The following DEPDC1B variants were observed in gnomAD, a reference collection of about 807,000 sequenced individuals.
DEPDC1B encodes DEP domain-containing protein 1B.
Under a neutral mutation model 66.5 loss-of-function variants are expected in DEPDC1B, and 51 were observed. That is an observed-to-expected ratio of 0.77 (90% CI 0.61 to 0.97). DEPDC1B has a LOEUF of 0.97. Ranked by LOEUF, DEPDC1B falls within the 50% of genes least tolerant of loss-of-function variation. The pLI is 0.00. For synonymous variants in DEPDC1B, 226 were observed against 223.6 expected, an observed-to-expected ratio of 1.01 and a Z score of -0.10; for missense variants, 552 against 637.1, an observed-to-expected ratio of 0.87 and a Z score of 1.44.
intron 1 of DEPDC1B, among the ~76,000 whole-genome samples, chr5:60,692,368 G>A (rs1255374975): frequency 1.3e-5 from 2 of 152,142 alleles, no homozygotes; most frequent in African/African-American, 4.8e-5. Flanking sequence ...GATGGATATG[G>A]TAATTAGCTT....
In DEPDC1B at chr5:60,687,134, C is replaced by G. The variant is rs200537740; in HGVS notation, c.142G>C (p.Glu48Gln). The change falls in exon 2 of 11, where the codon GAA becomes CAA. Residue 48 changes from glutamate (E) to glutamine (Q), a missense_variant. Transcript: ENST00000265036. ...KSYEHCFTAA[E>Q]AVDWLHELLR... ...AGCTCATGCAGCCAATCCACAGCTT[C>G]GGCCGCTGTGAAACAATGCTCATAG... 6.2e-7 allele frequency: 1 copy of G among 1,614,180 alleles called. No individual in the cohort carries two copies. The highest frequency in any genetic ancestry group is 8.5e-7 in the Non-Finnish European group (1 of 1,180,042).
intron 7 of DEPDC1B, among the ~76,000 whole-genome samples, chr5:60,618,200 T>C (rs959102586): frequency 7.8e-4 from 11 of 14,128 alleles, no homozygotes; most frequent in Non-Finnish European, 3.8e-4. Flanking sequence ...AGATCTAAAA[T>C]GACACCCTAA....
intron 7 of DEPDC1B, among the ~76,000 whole-genome samples, chr5:60,613,962 A>T (rs1399589684): frequency 6.6e-6 from 1 of 152,176 alleles, no homozygotes; most frequent in Non-Finnish European, 1.5e-5. Context: ...TACCAGTGAT[A>T]CTTAGTCACA....
intron 7 of DEPDC1B, among the ~76,000 whole-genome samples, chr5:60,621,613 A>G (rs776499642): frequency 1.4e-4 from 21 of 152,252 alleles, no homozygotes; most frequent in Admixed American, 2.6e-4. Context: ...CAGCACACCA[A>G]CATGGCTCAT....
At chr5:60,671,812 A>C (rs1447514920) in intron 2 of DEPDC1B, among the ~76,000 whole-genome samples, 3 of 152,330 alleles carry the variant, frequency 2.0e-5, no homozygotes, top group East Asian at 1.9e-4. Flanking sequence ...ATGTGTAATG[A>C]ATTCAGATCA....
At chr5:60,612,316 G>C (rs1366495393) in intron 7 of DEPDC1B, among the ~76,000 whole-genome samples, 1 of 151,728 alleles carries the variant, frequency 6.6e-6, no homozygotes, top group Non-Finnish European at 1.5e-5. Context: ...CCAGCTATTT[G>C]GGAGGCTGAG....
chr5:60,693,911 A>G (rs1453787834), intron 1 of DEPDC1B, among the ~76,000 whole-genome samples: 1 of 152,138 alleles, frequency 6.6e-6, no homozygotes, highest in Non-Finnish European at 1.5e-5. Flanking sequence ...TTGAACAATC[A>G]TAATCATGAA....
intron 7 of DEPDC1B, among the ~76,000 whole-genome samples, chr5:60,615,371 AGGGGTCAG>A (rs1752521454): frequency 1.3e-5 from 2 of 152,210 alleles, no homozygotes; most frequent in Admixed American, 6.5e-5. Context: ...GGGAAGCACA[AGGGGTCAG>A]GGAATTCCCT....
chr5:60,674,183 A>G (rs1754107023), intron 2 of DEPDC1B, among the ~76,000 whole-genome samples: 1 of 152,216 alleles, frequency 6.6e-6, no homozygotes. Context: ...AAATAAATAT[A>G]AAGGAAAAGG....
chr5:60,629,490 A>T (rs1016176276), intron 7 of DEPDC1B, among the ~76,000 whole-genome samples: 1 of 152,324 alleles, frequency 6.6e-6, no homozygotes, highest in Non-Finnish European at 1.5e-5. Context: ...GTACCCCTTC[A>T]TCCAACTCCA....
chr5:60,644,940 T>G (rs990406134), intron 4 of DEPDC1B, 65 bp from the exon 5 acceptor site: 16 of 1,286,800 alleles, frequency 1.2e-5, no homozygotes, highest in Non-Finnish European at 1.7e-5. Context: ...AAAAACCTGG[T>G]ACTACAAAAA....
At chr5:60,619,624 T>G (rs1209709776) in intron 7 of DEPDC1B, among the ~76,000 whole-genome samples, 1 of 152,100 alleles carries the variant, frequency 6.6e-6, no homozygotes, top group African/African-American at 2.4e-5. Context: ...AAACCACTGC[T>G]CAAGGAAATA....
chr5:60,634,372 TA>T (rs1469925127), intron 7 of DEPDC1B, among the ~76,000 whole-genome samples: 1 of 152,084 alleles, frequency 6.6e-6, no homozygotes, highest in Non-Finnish European at 1.5e-5. Flanking sequence ...CAAATGCTCT[TA>T]AAAAATAAAA....
rs1000876070 is a variant in DEPDC1B, at chr5:60,657,005, T to A, written c.315-9472A>T. On this transcript the variant is annotated intron_variant, in intron 2 of 10. Coordinates refer to ENST00000265036, the MANE Select transcript of DEPDC1B (RefSeq NM_018369.3). ...TACATATATATTTAGGATTGTGATA[T>A]TTTTCTGTTGGAACAGTCCTTTTTA... is the stretch of plus-strand genomic sequence containing the variant. Among the ~76,000 whole-genome samples, 35 of 152,240 alleles carry A rather than the reference T, an allele frequency of 2.3e-4. 1 individual carries two copies. Among genetic ancestry groups the A allele is most frequent in the Admixed American group, 6.5e-5 (1 of 15,290 alleles).
chr5:60,656,991 T>G (rs1020893402), intron 2 of DEPDC1B, among the ~76,000 whole-genome samples: 1 of 152,228 alleles, frequency 6.6e-6, no homozygotes, highest in African/African-American at 2.4e-5. Context: ...ACATATATAT[T>G]TAGGATTGTG....
chr5:60,626,774 G>T (rs1266761615), intron 7 of DEPDC1B, among the ~76,000 whole-genome samples: 1 of 151,920 alleles, frequency 6.6e-6, no homozygotes, highest in Non-Finnish European at 1.5e-5. Context: ...AAAAACAATG[G>T]TTTAGGGAAT....
At chr5:60,644,057 C>T (rs991014585) in intron 5 of DEPDC1B, among the ~76,000 whole-genome samples, 2 of 152,180 alleles carry the variant, frequency 1.3e-5, no homozygotes, top group African/African-American at 4.8e-5. Context: ...AGCCAATTCC[C>T]AGCATCGAGG....
At chr5:60,613,325 T>C (rs1165164767) in intron 7 of DEPDC1B, among the ~76,000 whole-genome samples, 2 of 152,190 alleles carry the variant, frequency 1.3e-5, no homozygotes, top group Admixed American at 6.5e-5. Context: ...AAGATGATGA[T>C]AGCAGCTCTG....
chr5:60,693,185 T>A (rs1359695209), intron 1 of DEPDC1B, among the ~76,000 whole-genome samples: 2 of 152,108 alleles, frequency 1.3e-5, no homozygotes, highest in Non-Finnish European at 2.9e-5. Flanking sequence ...AACACATACA[T>A]ACACATATGC....
Sources: allele counts gnomAD v4.1 joint callset (sites outside exome capture counted in the v4.1 genomes callset), GRCh38; gene constraint gnomAD v4.1.1; transcripts MANE v1.5; gene names NCBI Gene and HGNC (gene_info 2026-07-23, HGNC 2026-07-21).